Variants in CNTN4 observed in about 807,000 individuals in gnomAD.
CNTN4 encodes contactin 4.
Under a neutral mutation model 122.5 loss-of-function variants are expected in CNTN4, and 77 were observed. That is an observed-to-expected ratio of 0.63 (90% CI 0.52 to 0.76). CNTN4 has a LOEUF of 0.76. Among genes scored for constraint, CNTN4 ranks in the 30% least tolerant of loss-of-function variants. The pLI is 0.00. For missense variants in CNTN4, 1,256 were observed against 1,259.1 expected (o/e 1.00, Z 0.04); for synonymous variants, 512 against 447.0 (o/e 1.15, Z -1.83).
chr3:2,699,845 G>C (rs2086262758), intron 4 of CNTN4, among the ~76,000 whole-genome samples: 1 of 152,132 alleles, frequency 6.6e-6, no homozygotes, highest in South Asian at 2.1e-4. Context: ...GTAATGTGTT[G>C]ATTATTGGCA....
At chr3:2,637,566 G>A (rs538586765) in intron 4 of CNTN4, among the ~76,000 whole-genome samples, 15 of 152,170 alleles carry the variant, frequency 9.9e-5, no homozygotes, top group Middle Eastern at 3.4e-3. Flanking sequence ...ATGTCACCCC[G>A]TGATTGGTCC....
At chr3:2,680,826 A>T (rs2085125223) in intron 4 of CNTN4, among the ~76,000 whole-genome samples, 2 of 152,216 alleles carry the variant, frequency 1.3e-5, no homozygotes, top group Non-Finnish European at 2.9e-5. Flanking sequence ...AAAGGAAATA[A>T]CAGTAACAGT....
chr3:2,738,134 G>A (rs2089251209), intron 5 of CNTN4, among the ~76,000 whole-genome samples: 1 of 152,164 alleles, frequency 6.6e-6, no homozygotes, highest in African/African-American at 2.4e-5. Flanking sequence ...AAACTTTCAA[G>A]CCGTAGCTAT....
chr3:2,968,828 T>G lies in CNTN4; in HGVS notation c.1359-19517T>G, dbSNP rs1692587891. On this transcript the variant is annotated intron_variant, in intron 13 of 24. Transcript: ENST00000418658. Reference sequence around the variant, plus strand: ...CCCCTTCTTCTGGTGTTTCAGCCATTTGATGCATCATCTATGGACACACAG... The same window carrying G: ...CCCCTTCTTCTGGTGTTTCAGCCATGTGATGCATCATCTATGGACACACAG... Among the ~76,000 whole-genome samples the G allele has an allele frequency of 2.0e-5, 3 of 152,312 alleles. 1 individual carries two copies. In the South Asian group the frequency reaches 6.2e-4, roughly 32 times the overall value.
At chr3:2,999,288 G>T (rs1695816846) in intron 14 of CNTN4, 1 of 152,260 alleles carries the variant, frequency 6.6e-6, no homozygotes, top group East Asian at 1.9e-4. Context: ...AATAGCATCA[G>T]CAAAACAAAA....
intron 13 of CNTN4, among the ~76,000 whole-genome samples, chr3:2,960,875 T>G (rs2094845814): frequency 6.6e-6 from 1 of 152,110 alleles, no homozygotes; most frequent in Non-Finnish European, 1.5e-5. Flanking sequence ...TTGAAAGTCC[T>G]TGCACATTGG....
chr3:3,010,702 G>A (rs1697144614), intron 14 of CNTN4, among the ~76,000 whole-genome samples: 1 of 152,118 alleles, frequency 6.6e-6, no homozygotes, highest in East Asian at 1.9e-4. Flanking sequence ...GGAGGGCGCT[G>A]TGAAATTAAG....
At chr3:2,277,663 A>G (rs1359687175) in intron 2 of CNTN4, among the ~76,000 whole-genome samples, 1 of 152,164 alleles carries the variant, frequency 6.6e-6, no homozygotes, top group East Asian at 1.9e-4. Context: ...CATTGTTGGC[A>G]GAATTCTCAT....
intron 4 of CNTN4, among the ~76,000 whole-genome samples, chr3:2,683,997 T>C (rs1488279171): frequency 6.6e-6 from 1 of 152,138 alleles, no homozygotes; most frequent in African/African-American, 2.4e-5. Flanking sequence ...TTACCTATCG[T>C]TTAAAGAATC....
intron 19 of CNTN4, chr3:3,039,761 T>TA (rs397699448): frequency 1.2e-5 from 5 of 424,394 alleles, no homozygotes; most frequent in African/African-American, 1.0e-4. Flanking sequence ...TTTTTTTTTT[T>TA]ACAATCATTT....
At chr3:2,769,464 C>A (rs953037555) in intron 6 of CNTN4, among the ~76,000 whole-genome samples, 588 of 136,698 alleles carry the variant, frequency 4.3e-3, no homozygotes, top group East Asian at 4.7e-3. Context: ...GACTCTGTCT[C>A]AAAAAAAAAA....
chr3:3,024,513 C>G (rs937633227), intron 14 of CNTN4, among the ~76,000 whole-genome samples: 1 of 151,726 alleles, frequency 6.6e-6, no homozygotes, highest in Non-Finnish European at 1.5e-5. Context: ...GTTTTCTATC[C>G]CATTACCTCT....
At chr3:2,526,145 G>T (rs9874129) in intron 3 of CNTN4, among the ~76,000 whole-genome samples, 12,157 of 151,982 alleles carry the variant, frequency 0.08, 1,068 homozygotes, top group East Asian at 0.46. Flanking sequence ...TGGCACTATG[G>T]TCCTCCCTAT....
chr3:3,027,406 C>T (rs577220318), intron 15 of CNTN4, among the ~76,000 whole-genome samples: 3 of 152,240 alleles, frequency 2.0e-5, no homozygotes, highest in South Asian at 2.1e-4. Flanking sequence ...AAATTGCCAG[C>T]GTAAACCATT....
At chr3:2,108,698 G>A (rs981384398) in intron 2 of CNTN4, among the ~76,000 whole-genome samples, 2 of 152,184 alleles carry the variant, frequency 1.3e-5, no homozygotes, top group Non-Finnish European at 2.9e-5. Context: ...AATAGTATGT[G>A]TTTTGTAGGG....
intron 13 of CNTN4, among the ~76,000 whole-genome samples, chr3:2,944,770 C>T (rs992860136): frequency 4.6e-5 from 7 of 152,162 alleles, no homozygotes; most frequent in African/African-American, 1.7e-4. Flanking sequence ...GAAACAAACT[C>T]AGATGACAGG....
intron 4 of CNTN4, among the ~76,000 whole-genome samples, chr3:2,582,593 T>C (rs983875434): frequency 1.3e-5 from 2 of 152,156 alleles, no homozygotes; most frequent in Non-Finnish European, 2.9e-5. Flanking sequence ...GAGAGTGAAC[T>C]CTCTCATGTT....
intron 3 of CNTN4, among the ~76,000 whole-genome samples, chr3:2,424,286 A>C (rs200612488): frequency 1.5e-5 from 2 of 134,872 alleles, no homozygotes; most frequent in Non-Finnish European, 3.0e-5. Context: ...TCACTGTTCA[A>C]TTCCCACCTA....
intron 6 of CNTN4, among the ~76,000 whole-genome samples, chr3:2,778,487 T>G (rs2091439100): frequency 6.6e-6 from 1 of 152,152 alleles, no homozygotes; most frequent in African/African-American, 2.4e-5. Context: ...ATTTCACTAC[T>G]GTTTTTCTCT....
Sources: gnomAD v4.1 joint callset for allele counts (sites outside exome capture counted in the v4.1 genomes callset) on GRCh38, gnomAD v4.1.1 for gene constraint, MANE v1.5 for transcripts, NCBI Gene and HGNC (gene_info 2026-07-23, HGNC 2026-07-21) for gene names.